NKAIN3: variants seen among roughly 807,000 people sequenced by gnomAD.
The protein encoded by NKAIN3 is sodium/potassium transporting ATPase interacting 3.
A neutral mutation model predicts 30.2 loss-of-function variants in NKAIN3; 25 were observed. The ratio of observed to expected loss-of-function variants is 0.83; its 90% confidence interval spans 0.60 to 1.16. NKAIN3 has a LOEUF of 1.16. Ranked by LOEUF, NKAIN3 falls within the 50% of genes most tolerant of loss-of-function variation. NKAIN3 has a pLI of 0.00. For synonymous variants in NKAIN3, 91 were observed against 89.6 expected, an observed-to-expected ratio of 1.02 and a Z score of -0.09; for missense variants, 225 against 254.1, an observed-to-expected ratio of 0.89 and a Z score of 0.78.
intron 4 of NKAIN3, among the ~76,000 whole-genome samples, chr8:62,823,809 C>T (rs1371352372): frequency 1.3e-5 from 2 of 152,048 alleles, no homozygotes; most frequent in African/African-American, 4.8e-5. Flanking sequence ...TAGTGTCATT[C>T]AGGCTCAAGG....
chr8:62,693,173 T>C (rs930268353), intron 3 of NKAIN3, among the ~76,000 whole-genome samples: 3 of 152,218 alleles, frequency 2.0e-5, no homozygotes, highest in African/African-American at 7.2e-5. Flanking sequence ...TCAAATTGTG[T>C]AGGAAGGACA....
chr8:62,581,232 A>G (rs1418468581), intron 2 of NKAIN3, among the ~76,000 whole-genome samples: 1 of 152,154 alleles, frequency 6.6e-6, no homozygotes, highest in African/African-American at 2.4e-5. Flanking sequence ...ATGGAGTTGG[A>G]CTTGAGGCCT....
chr8:62,441,575 T>C (rs1290154953), intron 1 of NKAIN3, among the ~76,000 whole-genome samples: 1 of 151,998 alleles, frequency 6.6e-6, no homozygotes, highest in Non-Finnish European at 1.5e-5. Context: ...TTATGCCTGG[T>C]ATAGGTAAAT....
intron 3 of NKAIN3, among the ~76,000 whole-genome samples, chr8:62,595,386 T>TC (rs1554551947): frequency 9.5e-4 from 112 of 117,586 alleles, no homozygotes; most frequent in African/African-American, 1.8e-3. Flanking sequence ...TATTTTCTTT[T>TC]TTTTTTTTTT....
At chr8:62,539,871 A>G (rs1265073010) in intron 1 of NKAIN3, among the ~76,000 whole-genome samples, 1 of 152,118 alleles carries the variant, frequency 6.6e-6, no homozygotes, top group African/African-American at 2.4e-5. Context: ...GAGCCACTTT[A>G]CCTAGCCAGG....
chr8:62,559,353 G>A (rs1662507625), intron 1 of NKAIN3, among the ~76,000 whole-genome samples: 1 of 151,824 alleles, frequency 6.6e-6, no homozygotes, highest in African/African-American at 2.4e-5. Context: ...ATACAGATGT[G>A]TTTTTTAATC....
chr8:62,421,335 GTCTT>G (rs1310403569), intron 1 of NKAIN3, among the ~76,000 whole-genome samples: 3 of 152,112 alleles, frequency 2.0e-5, no homozygotes, highest in Non-Finnish European at 4.4e-5. Flanking sequence ...TGAGCAAAAT[GTCTT>G]TCAAGAAGTC....
At chr8:62,847,088 T>C (rs10283234) in intron 4 of NKAIN3, among the ~76,000 whole-genome samples, 4,047 of 152,212 alleles carry the variant, frequency 0.027, 179 homozygotes, top group African/African-American at 0.092. Context: ...AACCAAACCA[T>C]CTCAGGCATT....
intron 1 of NKAIN3, among the ~76,000 whole-genome samples, chr8:62,474,988 C>T (rs1806471291): frequency 6.6e-6 from 1 of 152,070 alleles, no homozygotes; most frequent in Non-Finnish European, 1.5e-5. Flanking sequence ...TATTGTAATT[C>T]TCAGAGCAAT....
chr8:62,293,257 C>T (rs1813713073), intron 1 of NKAIN3, among the ~76,000 whole-genome samples: 1 of 152,208 alleles, frequency 6.6e-6, no homozygotes, highest in African/African-American at 2.4e-5. Flanking sequence ...ATTCTCCGTC[C>T]AGCTTTGTTC....
At chr8:62,500,491 A>AG (rs1157555497) in intron 1 of NKAIN3, among the ~76,000 whole-genome samples, 2 of 126,942 alleles carry the variant, frequency 1.6e-5, no homozygotes, top group East Asian at 2.5e-4. Flanking sequence ...GAAAGAAGAA[A>AG]AGAAAGAAAG....
Position 62,971,327 on chromosome 8 carries a change from T to A in NKAIN3, c.*5920T>A, listed in dbSNP as rs1001543371. On this transcript the variant is annotated 3_prime_UTR_variant, in exon 7 of 7. Transcript: ENST00000623646. ...TATTATAGTCTTTATTCTTAATGAC[T>A]TTATGCTTAACTAAAAAGTAAGAGC... Among the ~76,000 whole-genome samples, 1 of 152,208 alleles carries A rather than the reference T, an allele frequency of 6.6e-6. No homozygotes were observed.
intron 1 of NKAIN3, among the ~76,000 whole-genome samples, chr8:62,282,409 A>G (rs1195261509): frequency 6.6e-6 from 1 of 152,012 alleles, no homozygotes. Flanking sequence ...GATACCCAAA[A>G]ATTTTCTAGG....
At chr8:62,276,011 C>T (rs1166514741) in intron 1 of NKAIN3, among the ~76,000 whole-genome samples, 1 of 151,978 alleles carries the variant, frequency 6.6e-6, no homozygotes, top group Non-Finnish European at 1.5e-5. Context: ...AATCTGAGAG[C>T]ATGGTAAGTT....
chr8:62,998,513 G>A (rs1311880694), intron 5 of NKAIN3, among the ~76,000 whole-genome samples: 1 of 152,154 alleles, frequency 6.6e-6, no homozygotes, highest in Non-Finnish European at 1.5e-5. Context: ...GACCTCAAGT[G>A]ATCCACCTGC....
chr8:62,998,738 T>C (rs1804184302), intron 5 of NKAIN3, among the ~76,000 whole-genome samples: 2 of 152,244 alleles, frequency 1.3e-5, no homozygotes, highest in Admixed American at 1.3e-4. Flanking sequence ...CCTTTCACTA[T>C]GGTGGTTGGT....
chr8:62,521,122 C>T (rs909542091), intron 1 of NKAIN3, among the ~76,000 whole-genome samples: 2 of 151,796 alleles, frequency 1.3e-5, no homozygotes, highest in Non-Finnish European at 2.9e-5. Flanking sequence ...CCCTGGAGCA[C>T]ATTGAAATTA....
At chr8:62,387,775 A>G (rs1345294493) in intron 1 of NKAIN3, among the ~76,000 whole-genome samples, 1 of 152,178 alleles carries the variant, frequency 6.6e-6, no homozygotes, top group African/African-American at 2.4e-5. Context: ...ATCTACAGTG[A>G]TTTTCACCTG....
chr8:62,312,695 T>G (rs1178410929), intron 1 of NKAIN3, among the ~76,000 whole-genome samples: 5 of 151,956 alleles, frequency 3.3e-5, no homozygotes, highest in Non-Finnish European at 7.4e-5. Flanking sequence ...TGTGCACCTG[T>G]GGTCCCAGCT....
Sources: allele counts gnomAD v4.1 joint callset (sites outside exome capture counted in the v4.1 genomes callset), GRCh38; gene constraint gnomAD v4.1.1; transcripts MANE v1.5; gene names NCBI Gene and HGNC (gene_info 2026-07-23, HGNC 2026-07-21).